DNAH5: variants seen among roughly 807,000 people sequenced by gnomAD.
DNAH5 encodes axonemal beta dynein heavy chain 5.
Under a neutral mutation model 518.2 loss-of-function variants are expected in DNAH5, and 372 were observed. That is an observed-to-expected ratio of 0.72 (90% CI 0.66 to 0.78). The LOEUF is 0.78. DNAH5 is among the 30% of genes least tolerant of loss of function. DNAH5 has a pLI of 0.00. For missense variants in DNAH5, 5,523 were observed against 5,687.0 expected (o/e 0.97, Z 0.93); for synonymous variants, 2,039 against 2,025.9 (o/e 1.01, Z -0.17).
At chr5:13,738,777 G>A (rs1383849628) in intron 65 of DNAH5, among the ~76,000 whole-genome samples, 1 of 151,998 alleles carries the variant, frequency 6.6e-6, no homozygotes, top group Non-Finnish European at 1.5e-5. Context: ...AATTGTACAT[G>A]GATATCAACT....
Position 13,727,793 on chromosome 5 carries a change from T to C in DNAH5, c.11884-137A>G, listed in dbSNP as rs937507312. 32 of 1,004,382 alleles carry C rather than the reference T, an allele frequency of 3.2e-5. No individual in the cohort carries two copies. In the African/African-American group the frequency reaches 4.6e-4, roughly 14 times the overall value. The allele number at this position is 1,004,382 out of a possible 1,614,324, so 62.2% of individuals were successfully genotyped here. Reference sequence around the variant, plus strand: ...ATTCCTTGGCTATTTTTTTATTTTATATTATAGAAAGTTTGACAGTGTAAA... The same window carrying C: ...ATTCCTTGGCTATTTTTTTATTTTACATTATAGAAAGTTTGACAGTGTAAA... On this transcript the variant is annotated intron_variant, in intron 69 of 78. Coordinates refer to ENST00000265104, the MANE Select transcript of DNAH5 (RefSeq NM_001369.3).
upstream of DNAH5, among the ~76,000 whole-genome samples, chr5:13,945,142 A>C (rs986720216): frequency 1.3e-5 from 2 of 152,238 alleles, no homozygotes; most frequent in African/African-American, 2.4e-5. Context: ...TTGCACATAC[A>C]CTTCAGCCAA....
Position 13,862,740 on chromosome 5 carries a change from C to G in DNAH5, c.4604G>C (p.Cys1535Ser). Residue 1535 changes from cysteine (C) to serine (S), a missense_variant, in exon 29 of 79, where the codon TGT becomes TCT. Physicochemically the swap from Cys to Ser is moderately radical, Grantham distance 112. Around this residue, in one of 3 missense-constraint regions of DNAH5, gnomAD observed 5,121 missense variants for 5,223.3 expected, o/e 0.98. Coordinates refer to ENST00000265104, the MANE Select transcript of DNAH5 (RefSeq NM_001369.3). ...GTCTCTCTCTTTCACCGCACTGATA[C>G]AGATGTCCTATCAAAATGGCAAGCT... The part of the protein sequence containing the change: ...LKYKEEIEDI[C>S]ISAVKERDIE... 1 of 1,611,542 alleles carries G rather than the reference C, an allele frequency of 6.2e-7. No homozygotes were observed. Among genetic ancestry groups the G allele is most frequent in the Non-Finnish European group, 8.5e-7 (1 of 1,178,150 alleles).
At chr5:13,898,954 A>G (rs1473615670) in intron 15 of DNAH5, 1 of 189,384 alleles carries the variant, frequency 5.3e-6, no homozygotes, top group African/African-American at 2.3e-5. Context: ...GTTTTTTGAG[A>G]CGGATCTCGC....
At chr5:13,781,979 A>G (rs1471559505) in intron 52 of DNAH5, among the ~76,000 whole-genome samples, 1 of 152,162 alleles carries the variant, frequency 6.6e-6, no homozygotes. Flanking sequence ...GCAGAAGTCC[A>G]TGTTTATTTG....
chr5:13,729,970 T>C (rs1746261635), intron 68 of DNAH5, among the ~76,000 whole-genome samples: 1 of 152,212 alleles, frequency 6.6e-6, no homozygotes, highest in Non-Finnish European at 1.5e-5. Context: ...CAATTTTCAA[T>C]ATTAAGAATT....
intron 1 of DNAH5, 61 bp downstream of exon 1, chr5:13,944,321 C>T (rs1036507661): frequency 4.5e-6 from 7 of 1,554,016 alleles, no homozygotes; most frequent in East Asian, 4.5e-5. Context: ...TTTTTTCCAC[C>T]CAGGTGTGAC....
At chr5:13,709,764 T>C (rs975004670) in intron 75 of DNAH5, among the ~76,000 whole-genome samples, 1 of 152,168 alleles carries the variant, frequency 6.6e-6, no homozygotes, top group Non-Finnish European at 1.5e-5. Flanking sequence ...CCTCCTCTCC[T>C]GAACACACAC....
intron 1 of DNAH5, among the ~76,000 whole-genome samples, chr5:14,006,729 A>G (rs1383992922): frequency 6.6e-6 from 1 of 152,238 alleles, no homozygotes; most frequent in Non-Finnish European, 1.5e-5. Context: ...ATGCTGTGGT[A>G]CTTATCAAAA....
chr5:13,884,288 A>G (rs1483774386), intron 19 of DNAH5, among the ~76,000 whole-genome samples: 1 of 152,242 alleles, frequency 6.6e-6, no homozygotes, highest in Non-Finnish European at 1.5e-5. Flanking sequence ...TCGTTTCCAT[A>G]TAACTTCCTT....
intron 55 of DNAH5, among the ~76,000 whole-genome samples, chr5:13,772,625 G>A (rs973906015): frequency 6.6e-6 from 1 of 152,158 alleles, no homozygotes; most frequent in African/African-American, 2.4e-5. Context: ...TTCTTTAAAT[G>A]ATTCATCAAC....
At chr5:13,792,860 G>A (rs1251593404) in intron 49 of DNAH5, among the ~76,000 whole-genome samples, 6 of 152,274 alleles carry the variant, frequency 3.9e-5, no homozygotes, top group Admixed American at 6.5e-5. Flanking sequence ...CAATAGCAGC[G>A]TCAGAAATTG....
chr5:13,962,983 G>A (rs572365574), intron 1 of DNAH5, among the ~76,000 whole-genome samples: 16 of 152,150 alleles, frequency 1.1e-4, no homozygotes, highest in South Asian at 2.1e-4. Flanking sequence ...CAGTCGCCGC[G>A]TCCCAAGAGC....
intron 46 of DNAH5, among the ~76,000 whole-genome samples, chr5:13,808,434 GGTTACAGCAGCCCTA>G (rs1325630496): frequency 6.6e-6 from 1 of 152,080 alleles, no homozygotes; most frequent in Non-Finnish European, 1.5e-5. Context: ...TGCGGTATTT[GGTTACAGCAGCCCTA>G]GCAAACTAGC....
intron 14 of DNAH5, 108 bp from the exon 15 acceptor site, chr5:13,900,520 T>TGA (rs1774464207): frequency 1.0e-6 from 1 of 953,214 alleles, no homozygotes; most frequent in African/African-American, 1.6e-5. Flanking sequence ...TCCATGGATT[T>TGA]GAGCTTCCTA....
At chr5:13,780,218 C>G (rs574502086) in intron 53 of DNAH5, among the ~76,000 whole-genome samples, 1 of 152,328 alleles carries the variant, frequency 6.6e-6, no homozygotes, top group South Asian at 2.1e-4. Flanking sequence ...TTCTAATCAT[C>G]CCTTAGACTA....
Position 13,891,057 on chromosome 5 carries a change from T to C in DNAH5, c.2496A>G (p.Leu832=), listed in dbSNP as rs751255770. 8 of 1,614,046 alleles carry C rather than the reference T, an allele frequency of 5.0e-6. No homozygotes were observed. The highest frequency in any genetic ancestry group is 6.8e-6 in the Non-Finnish European group (8 of 1,180,014). Reference sequence around the variant, plus strand: ...AAAGAGGCGTGCTGCTCATTTCTTCTAGAATGGCATCAATGCGGAACTCAA... The same window carrying C: ...AAAGAGGCGTGCTGCTCATTTCTTCCAGAATGGCATCAATGCGGAACTCAA... The part of the protein sequence containing the change: ...DLIEFRIDAI[L]EEMSSTPLCQ... Residue 832 remains leucine, a synonymous_variant, in exon 17 of 79, where the codon CTA becomes CTG. Transcript: ENST00000265104.
At chr5:13,750,834 T>C (rs1750109408) in intron 65 of DNAH5, among the ~76,000 whole-genome samples, 1 of 152,154 alleles carries the variant, frequency 6.6e-6, no homozygotes, top group African/African-American at 2.4e-5. Flanking sequence ...AGTTTCATCA[T>C]CAGTCTGTAT....
At chr5:13,996,555 C>G (rs1783969928) in intron 1 of DNAH5, among the ~76,000 whole-genome samples, 1 of 152,140 alleles carries the variant, frequency 6.6e-6, no homozygotes. Context: ...AGACATCCCC[C>G]CTCCAAAAAG....
Sources: gnomAD v4.1 joint callset for allele counts (sites outside exome capture counted in the v4.1 genomes callset) on GRCh38, gnomAD v4.1.1 for gene constraint, gnomAD v4.1.1 regional missense constraint, MANE v1.5 for transcripts, NCBI Gene and HGNC (gene_info 2026-07-23, HGNC 2026-07-21) for gene names.